Variants in CALR3 observed in about 807,000 individuals in gnomAD.
CALR3 encodes calreticulin 3.
In CALR3, 39 loss-of-function variants were observed where a neutral mutation model predicts 48.7. The ratio of observed to expected loss-of-function variants is 0.80; its 90% CI spans 0.62 to 1.05. The LOEUF is 1.05. CALR3 is among the 50% of genes least tolerant of loss of function. The pLI, the probability that CALR3 is intolerant of heterozygous loss-of-function variation, is 0.00. For synonymous variants in CALR3, 185 were observed against 172.7 expected (o/e 1.07, Z -0.56); for missense variants, 449 against 474.7 (o/e 0.95, Z 0.50).
chr19:16,491,513 T>C (rs904665161), intron 2 of CALR3, among the ~76,000 whole-genome samples: 1 of 147,602 alleles, frequency 6.8e-6, no homozygotes, highest in Non-Finnish European at 1.5e-5. Flanking sequence ...GCATGCTGGC[T>C]CACGCCTGTA....
At chr19:16,495,658 GAATAAA>G in intron 2 of CALR3, 87 bp downstream of exon 2, 1 of 932,330 alleles carries the variant, frequency 1.1e-6, no homozygotes, top group Non-Finnish European at 1.7e-6. Flanking sequence ...TGTAAAACGG[GAATAAA>G]AGCGTTTTGG....
Position 16,495,796 on chromosome 19 carries a change from T to TA in CALR3, c.147dup (p.Arg50Ter). The TA allele has an allele frequency of 2.5e-6, 4 of 1,614,124 alleles. No homozygotes were observed. Among genetic ancestry groups the TA allele is most frequent in the Non-Finnish European group, 3.4e-6 (4 of 1,180,012 alleles). On this transcript the variant is annotated frameshift_variant, in exon 2 of 9. Transcript: ENST00000269881. LOFTEE classifies it high-confidence loss of function. The stretch of plus-strand genomic sequence containing the variant: ...CCATAAAACTTGCCCGACGAAAGTC[T>TA]AAAATGCCCAAATCGGGAGTCATTG...
intron 2 of CALR3, among the ~76,000 whole-genome samples, chr19:16,491,116 T>C (rs1308202982): frequency 1.4e-5 from 2 of 147,238 alleles, no homozygotes; most frequent in African/African-American, 2.5e-5. Flanking sequence ...ACCACTGTTC[T>C]TAATTAGTTA....
intron 3 of CALR3, among the ~76,000 whole-genome samples, chr19:16,487,494 A>AC (rs1568486654): frequency 6.6e-6 from 1 of 151,434 alleles, no homozygotes; most frequent in East Asian, 1.9e-4. Context: ...AAAAAAAAAA[A>AC]AAAACATTTT....
intron 2 of CALR3, among the ~76,000 whole-genome samples, chr19:16,492,861 C>CAAAAAA (rs71178700): frequency 8.0e-6 from 1 of 124,722 alleles, no homozygotes; most frequent in Non-Finnish European, 1.6e-5. Flanking sequence ...GACTCCGTCT[C>CAAAAAA]AAAAAAAAAA....
At position 16,479,449 on chromosome 19, in the gene CALR3, G is replaced by A. The variant is rs2216669; in HGVS notation, c.1012-175C>T. Reference sequence around the variant, plus strand: ...AAATACAAAAAAAAAAAAGCCAGGCGTGGTGGTGGGCGCCTGTAGTCCCAG... The same window carrying A: ...AAATACAAAAAAAAAAAAGCCAGGCATGGTGGTGGGCGCCTGTAGTCCCAG... On this transcript the variant is annotated intron_variant, in intron 8 of 8. Transcript: ENST00000269881. 0.67 allele frequency among the ~76,000 whole-genome samples: 100,005 copies of A among 149,494 alleles called. 33,778 individuals are homozygous for A. The highest frequency in any genetic ancestry group is 0.75 in the South Asian group (3,576 of 4,746).
In CALR3 at chr19:16,479,182, A is replaced by T. The variant is rs1555775535; in HGVS notation, c.1104T>A (p.Ile368=). 6.2e-7 allele frequency: 1 copy of T among 1,614,044 alleles called. No homozygotes were observed. Among genetic ancestry groups the T allele is most frequent in the Non-Finnish European group, 8.5e-7 (1 of 1,179,998 alleles). The part of the protein sequence containing the change: ...EEEEELLSGK[I]NRHEHYFNQF... ...GATTGAAGTAATGTTCGTGCCTGTT[A>T]ATTTTTCCCGACAGCAGCTCTTCCT... is the stretch of plus-strand genomic sequence containing the variant. The change falls in exon 9 of 9, where the codon ATT becomes ATA. Residue 368 remains isoleucine, a synonymous_variant. Coordinates refer to ENST00000269881, the MANE Select transcript of CALR3 (RefSeq NM_145046.5).
At chr19:16,494,034 G>T (rs964072285) in intron 2 of CALR3, among the ~76,000 whole-genome samples, 1 of 151,800 alleles carries the variant, frequency 6.6e-6, no homozygotes, top group Non-Finnish European at 1.5e-5. Context: ...ATGTGCAGGC[G>T]ACAAGATGTA....
At chr19:16,489,098 G>A (rs1421099061) in intron 3 of CALR3, among the ~76,000 whole-genome samples, 7 of 152,288 alleles carry the variant, frequency 4.6e-5, no homozygotes, top group African/African-American at 1.2e-4. Flanking sequence ...AGTTAAAAAC[G>A]TAAAAAACAT....
At chr19:16,489,420 A>G (rs2093394352) in intron 3 of CALR3, among the ~76,000 whole-genome samples, 1 of 152,158 alleles carries the variant, frequency 6.6e-6, no homozygotes, top group South Asian at 2.1e-4. Flanking sequence ...GGAGTTCAAG[A>G]CCAGCCTGAC....
At chr19:16,480,200 C>CAAA (rs57759885) in intron 8 of CALR3, among the ~76,000 whole-genome samples, 10 of 70,794 alleles carry the variant, frequency 1.4e-4, no homozygotes, top group Admixed American at 3.1e-4. Flanking sequence ...GACTCCGTCT[C>CAAA]AAAAAAAAAA....
chr19:16,480,760 T>A, intron 7 of CALR3, 54 bp from the exon 8 acceptor site: 1 of 1,265,626 alleles, frequency 7.9e-7, no homozygotes, highest in Non-Finnish European at 1.1e-6. Context: ...TATTATTTGT[T>A]TATTTTTCAT....
chr19:16,495,858 G>T lies in CALR3; in HGVS notation c.92-6C>A, dbSNP rs774244121. ...CCATCGGTTTCTCCAATGCTCTGTG[G>T]GGAAGGGGAAATAACACCGGTTAGA... On this transcript the variant is annotated splice_polypyrimidine_tract_variant and splice_region_variant and intron_variant, in intron 1 of 8. Transcript: ENST00000269881. The T allele has an allele frequency of 6.2e-7, 1 of 1,613,046 alleles. No individual in the cohort carries two copies. The highest frequency in any genetic ancestry group is 8.5e-7 in the Non-Finnish European group (1 of 1,178,992).
intron 3 of CALR3, among the ~76,000 whole-genome samples, chr19:16,487,634 C>T (rs1421952584): frequency 6.6e-6 from 1 of 151,310 alleles, no homozygotes; most frequent in Non-Finnish European, 1.5e-5. Flanking sequence ...TATTTTGTAT[C>T]ATTTATTTAT....
At position 16,492,096 on chromosome 19, in the gene CALR3, T is replaced by C. The variant is rs991980152; in HGVS notation, c.194-1526A>G. 2.0e-5 allele frequency among the ~76,000 whole-genome samples: 3 copies of C among 152,140 alleles called. 1 individual carries two copies. In the South Asian group the frequency reaches 6.2e-4, roughly 32 times the overall value. ...CACTCACCTTGGCCTCCCAGAGTGCTAAGATTACAGGTGTGAACCACTGTG... is the reference window on the plus strand; with the variant it reads ...CACTCACCTTGGCCTCCCAGAGTGCCAAGATTACAGGTGTGAACCACTGTG... On this transcript the variant is annotated intron_variant, in intron 2 of 8. Transcript: ENST00000269881.
At chr19:16,492,378 C>T (rs1356979193) in intron 2 of CALR3, among the ~76,000 whole-genome samples, 1 of 152,040 alleles carries the variant, frequency 6.6e-6, no homozygotes, top group African/African-American at 2.4e-5. Context: ...ACTGTTTGAA[C>T]CTGGGAGATG....
At chr19:16,486,057 C>T (rs2093388533) in intron 3 of CALR3, among the ~76,000 whole-genome samples, 2 of 152,144 alleles carry the variant, frequency 1.3e-5, no homozygotes, top group South Asian at 4.2e-4. Flanking sequence ...TTCAAAGTGG[C>T]CTGCTAATCC....
intron 2 of CALR3, among the ~76,000 whole-genome samples, chr19:16,492,192 C>T (rs932298445): frequency 6.6e-6 from 1 of 152,176 alleles, no homozygotes; most frequent in South Asian, 2.1e-4. Context: ...CATGGTGGCT[C>T]ACATCTGTAA....
chr19:16,494,520 C>A lies in CALR3; in HGVS notation c.193+1231G>T, dbSNP rs568773892. 8.5e-5 allele frequency among the ~76,000 whole-genome samples: 13 copies of A among 152,102 alleles called. No homozygotes were observed. The South Asian group carries it at 1.5e-3, about 17-fold the overall frequency. The stretch of plus-strand genomic sequence containing the variant: ...GGGACTACAGGCATGAGCCACCACA[C>A]CCAGCTAATTTTTGTATTTTTAGTA... On this transcript the variant is annotated intron_variant, in intron 2 of 8. Coordinates refer to ENST00000269881, the MANE Select transcript of CALR3 (RefSeq NM_145046.5).
Sources: allele counts gnomAD v4.1 joint callset (sites outside exome capture counted in the v4.1 genomes callset), GRCh38; gene constraint gnomAD v4.1.1; transcripts MANE v1.5; gene names NCBI Gene and HGNC (gene_info 2026-07-23, HGNC 2026-07-21).